ZFAT: variants seen among roughly 807,000 people sequenced by gnomAD.
ZFAT encodes zinc finger protein ZFAT.
Under a neutral mutation model 117.7 loss-of-function variants are expected in ZFAT, and 64 were observed. The observed-to-expected ratio is 0.54, with a 90% confidence interval of 0.44 to 0.67. ZFAT has a LOEUF of 0.67. ZFAT is among the 30% of genes least tolerant of loss of function. The pLI is 0.00. For missense variants in ZFAT, 1,433 were observed against 1,584.5 expected, an observed-to-expected ratio of 0.90 and a Z score of 1.62; for synonymous variants, 679 against 615.0, an observed-to-expected ratio of 1.10 and a Z score of -1.54.
intron 1 of ZFAT, among the ~76,000 whole-genome samples, chr8:134,695,433 G>A (rs1011915182): frequency 3.3e-5 from 5 of 150,820 alleles, no homozygotes; most frequent in South Asian, 2.1e-4. Context: ...CCAAGGAGGC[G>A]ACACCCTCCA....
At chr8:134,781,854 A>T in the ZFAT span, among the ~76,000 whole-genome samples, 85,835 of 152,022 alleles carry the variant, frequency 0.56, 24,352 homozygotes, top group South Asian at 0.63. Flanking sequence ...TATTTTCTCT[A>T]CCTTGCAATT....
At chr8:134,825,656 C>T in the ZFAT span, among the ~76,000 whole-genome samples, 1 of 152,178 alleles carries the variant, frequency 6.6e-6, no homozygotes, top group Admixed American at 6.5e-5. Flanking sequence ...GAAGCATACG[C>T]TACAAATTAA....
At chr8:134,486,511 G>T (rs914368030) in intron 15 of ZFAT, among the ~76,000 whole-genome samples, 1 of 152,182 alleles carries the variant, frequency 6.6e-6, no homozygotes, top group Non-Finnish European at 1.5e-5. Flanking sequence ...CAGCCCTCTC[G>T]TAGATGTCAT....
chr8:134,770,676 G>A, the ZFAT span, among the ~76,000 whole-genome samples: 13 of 152,190 alleles, frequency 8.5e-5, no homozygotes, highest in South Asian at 2.1e-4. Flanking sequence ...TCTGACCGCC[G>A]GTGAGCCAGG....
At chr8:134,503,939 C>T (rs532785884) in intron 15 of ZFAT, among the ~76,000 whole-genome samples, 23 of 143,958 alleles carry the variant, frequency 1.6e-4, no homozygotes, top group Middle Eastern at 7.1e-3. Context: ...CACACGCACA[C>T]GCACACGAAC....
At chr8:134,515,614 A>G (rs1351580255) in intron 13 of ZFAT, among the ~76,000 whole-genome samples, 1 of 152,106 alleles carries the variant, frequency 6.6e-6, no homozygotes, top group African/African-American at 2.4e-5. Flanking sequence ...TCTTCTTTTG[A>G]GAAGTATCTG....
At chr8:134,661,354 G>A (rs1053095910) in intron 1 of ZFAT, among the ~76,000 whole-genome samples, 2 of 152,212 alleles carry the variant, frequency 1.3e-5, no homozygotes, top group Non-Finnish European at 2.9e-5. Flanking sequence ...GCTCCTGAGA[G>A]AGCCAGCAGT....
chr8:134,747,151 T>C, the ZFAT span, among the ~76,000 whole-genome samples: 3 of 152,126 alleles, frequency 2.0e-5, no homozygotes, highest in African/African-American at 7.2e-5. Context: ...TGCAGTGGCA[T>C]GATCATGGCT....
intron 13 of ZFAT, among the ~76,000 whole-genome samples, chr8:134,517,141 A>G (rs532787676): frequency 6.6e-6 from 1 of 152,262 alleles, no homozygotes; most frequent in East Asian, 1.9e-4. Context: ...TCCCAATCAA[A>G]TAACTGTTTT....
At chr8:134,762,455 A>G in the ZFAT span, among the ~76,000 whole-genome samples, 1 of 152,238 alleles carries the variant, frequency 6.6e-6, no homozygotes, top group Admixed American at 6.5e-5. Context: ...AGAATTTGAC[A>G]CTGTTGATCT....
At chr8:134,557,703 A>G (rs1248537139) in intron 11 of ZFAT, among the ~76,000 whole-genome samples, 1 of 152,190 alleles carries the variant, frequency 6.6e-6, no homozygotes, top group East Asian at 1.9e-4. Context: ...GAAGCAAATA[A>G]CTTATACAAC....
At chr8:134,739,287 ATGTGTGTGTGTGTGTGTGTG>A in the ZFAT span, among the ~76,000 whole-genome samples, 1 of 150,386 alleles carries the variant, frequency 6.6e-6, no homozygotes, top group African/African-American at 2.5e-5. Context: ...GTGTGTAGAG[ATGTGTGTGTGTGTGTGTGTG>A]TGTGTGTGTG....
intron 1 of ZFAT, among the ~76,000 whole-genome samples, chr8:134,675,513 C>G (rs1476678574): frequency 1.3e-5 from 2 of 152,172 alleles, no homozygotes; most frequent in African/African-American, 4.8e-5. Context: ...AGAATGGAAC[C>G]AAGTTGGAAA....
At chr8:134,694,197 G>T (rs570931140) in intron 1 of ZFAT, among the ~76,000 whole-genome samples, 1 of 152,226 alleles carries the variant, frequency 6.6e-6, no homozygotes, top group African/African-American at 2.4e-5. Flanking sequence ...AATGAGGCAC[G>T]TGGCTGAGGT....
the ZFAT span, among the ~76,000 whole-genome samples, chr8:134,751,229 T>G: frequency 6.6e-6 from 1 of 151,980 alleles, no homozygotes; most frequent in Admixed American, 6.6e-5. Flanking sequence ...GAGGCTGTAG[T>G]TGAGTTGGGA....
chr8:134,647,753 T>C (rs1400973945), intron 2 of ZFAT, among the ~76,000 whole-genome samples: 1 of 152,134 alleles, frequency 6.6e-6, no homozygotes, highest in Non-Finnish European at 1.5e-5. Context: ...AACGATCCCA[T>C]TTATAATAGC....
At chr8:134,722,455 C>T in the ZFAT span, among the ~76,000 whole-genome samples, 1 of 152,192 alleles carries the variant, frequency 6.6e-6, no homozygotes, top group Non-Finnish European at 1.5e-5. Flanking sequence ...GGACTGTGTA[C>T]AAGCTCTCAC....
the ZFAT span, among the ~76,000 whole-genome samples, chr8:134,829,823 A>ATT: frequency 1.3e-5 from 2 of 152,228 alleles, no homozygotes; most frequent in Admixed American, 6.5e-5. Context: ...CACCCAAAAA[A>ATT]TGAGTTGTTC....
intron 1 of ZFAT, among the ~76,000 whole-genome samples, chr8:134,705,288 A>G (rs1040184891): frequency 6.6e-6 from 1 of 151,628 alleles, no homozygotes; most frequent in African/African-American, 2.4e-5. Context: ...GCAGCCTTGA[A>G]TTCCTGGGCT....
Sources: gnomAD v4.1 joint callset for allele counts (sites outside exome capture counted in the v4.1 genomes callset) on GRCh38, gnomAD v4.1.1 for gene constraint, MANE v1.5 for transcripts, NCBI Gene and HGNC (gene_info 2026-07-23, HGNC 2026-07-21) for gene names.